The following NTRK2 variants were observed in gnomAD, a reference collection of about 807,000 sequenced individuals.
NTRK2 encodes the protein neurotrophic receptor tyrosine kinase 2.
Under a neutral mutation model 94.5 loss-of-function variants are expected in NTRK2, and 13 were observed. That is an observed-to-expected ratio of 0.14 (90% CI 0.09 to 0.22). The LOEUF (loss-of-function observed/expected upper bound fraction) is 0.22. Ranked by LOEUF, NTRK2 falls within the 10% of genes least tolerant of loss-of-function variation. The probability of loss-of-function intolerance (pLI) is 1.00; values close to 1 mark genes in which losing one functional copy is unlikely to be tolerated. For synonymous variants in NTRK2, 372 were observed against 407.4 expected, an observed-to-expected ratio of 0.91 and a Z score of 1.05; for missense variants, 639 against 1,071.2, an observed-to-expected ratio of 0.60 and a Z score of 5.63.
chr9:84,961,972 G>A (rs1279050398), intron 17 of NTRK2, among the ~76,000 whole-genome samples: 7 of 152,352 alleles, frequency 4.6e-5, no homozygotes, highest in Non-Finnish European at 8.8e-5. Flanking sequence ...ATCACAGTAT[G>A]TGATCCAGGA....
chr9:84,712,814 T>C (rs1564106496), intron 6 of NTRK2, among the ~76,000 whole-genome samples: 1 of 152,238 alleles, frequency 6.6e-6, no homozygotes, highest in Admixed American at 6.5e-5. Context: ...TGTCATATTC[T>C]TTTTAACCAT....
chr9:85,021,536 C>T lies in NTRK2; in HGVS notation c.*99C>T. On this transcript the variant is annotated 3_prime_UTR_variant, in exon 19 of 19. Coordinates refer to ENST00000277120, the MANE Select transcript of NTRK2 (RefSeq NM_006180.6). ...CCGCTGGAGGCCACCAAGCTGCTCT[C>T]CTTCACTCTGACAGTATTAACATCA... 1 of 1,171,674 alleles carries T rather than the reference C, an allele frequency of 8.5e-7. No homozygotes were observed. Among genetic ancestry groups the T allele is most frequent in the Non-Finnish European group, 1.3e-6 (1 of 780,642 alleles). 72.6% of individuals were successfully genotyped at this position (1,171,674 alleles called of 1,614,324 possible). A position where few individuals can be genotyped will look rare whatever the true frequency, so the allele number is the denominator to read the frequency against.
chr9:84,694,641 G>T (rs115562204), intron 2 of NTRK2, among the ~76,000 whole-genome samples: 3 of 151,990 alleles, frequency 2.0e-5, no homozygotes, highest in African/African-American at 7.3e-5. Flanking sequence ...CAGGGACCAA[G>T]GGAATTTTTT....
intron 15 of NTRK2, among the ~76,000 whole-genome samples, chr9:84,936,370 A>G (rs559918542): frequency 1.3e-5 from 2 of 152,246 alleles, no homozygotes; most frequent in Non-Finnish European, 2.9e-5. Context: ...GGGCTTGGAC[A>G]ACTAACAGTG....
intron 9 of NTRK2, among the ~76,000 whole-genome samples, chr9:84,732,721 GA>G (rs138666066): frequency 0.014 from 2,148 of 152,306 alleles, 52 homozygotes; most frequent in African/African-American, 0.05. Flanking sequence ...CTGCCCAGGT[GA>G]AAGGGGGTGG....
At chr9:84,817,245 C>T (rs1334052827) in intron 12 of NTRK2, among the ~76,000 whole-genome samples, 1 of 152,190 alleles carries the variant, frequency 6.6e-6, no homozygotes, top group East Asian at 1.9e-4. Context: ...ACTCGCATAT[C>T]TTGGTCATAT....
At chr9:84,949,130 T>C (rs1028022605) in intron 16 of NTRK2, among the ~76,000 whole-genome samples, 4 of 152,138 alleles carry the variant, frequency 2.6e-5, no homozygotes, top group Admixed American at 2.6e-4. Context: ...GGGCAGGTGC[T>C]TGGACTTTAT....
intron 15 of NTRK2, among the ~76,000 whole-genome samples, chr9:84,939,741 T>C (rs1025408212): frequency 2.0e-5 from 3 of 152,160 alleles, no homozygotes; most frequent in African/African-American, 7.2e-5. Flanking sequence ...AAAGAATTTA[T>C]TGGCTTCTAG....
chr9:84,901,579 CA>C (rs1247160711), intron 14 of NTRK2, among the ~76,000 whole-genome samples: 3 of 152,240 alleles, frequency 2.0e-5, no homozygotes, highest in Admixed American at 2.0e-4. Flanking sequence ...AAAATAAGAG[CA>C]AATGCATTAT....
intron 12 of NTRK2, among the ~76,000 whole-genome samples, chr9:84,839,025 T>C (rs961091630): frequency 3.9e-5 from 6 of 152,184 alleles, no homozygotes; most frequent in African/African-American, 1.2e-4. Context: ...CTTTGAAAAA[T>C]AAATGACCTC....
At chr9:84,860,531 G>C (rs969930298) in intron 12 of NTRK2, among the ~76,000 whole-genome samples, 2 of 151,786 alleles carry the variant, frequency 1.3e-5, no homozygotes, top group Non-Finnish European at 2.9e-5. Context: ...TTTTTTTACC[G>C]TCTGTCTCAG....
At chr9:84,795,402 G>A (rs1564291759) in intron 12 of NTRK2, among the ~76,000 whole-genome samples, 1 of 152,146 alleles carries the variant, frequency 6.6e-6, no homozygotes, top group African/African-American at 2.4e-5. Flanking sequence ...GGGGACAGAG[G>A]AACTATGGAT....
chr9:84,806,644 T>C (rs1473378138), intron 12 of NTRK2, among the ~76,000 whole-genome samples: 2 of 152,264 alleles, frequency 1.3e-5, no homozygotes, highest in Non-Finnish European at 2.9e-5. Context: ...ACCATGTGAG[T>C]TGAGCCAGTT....
intron 14 of NTRK2, among the ~76,000 whole-genome samples, chr9:84,891,087 G>C (rs185372303): frequency 6.6e-6 from 1 of 152,242 alleles, no homozygotes; most frequent in East Asian, 1.9e-4. Context: ...CTGTCAGTTT[G>C]ATAGGAAAGT....
At chr9:84,684,038 T>TA (rs2059557219) in intron 2 of NTRK2, among the ~76,000 whole-genome samples, 1 of 105,410 alleles carries the variant, frequency 9.5e-6, no homozygotes, top group African/African-American at 3.3e-5. Flanking sequence ...CCACTTTTTT[T>TA]ATGGGTTTTT....
chr9:84,877,821 C>A (rs1191869247), intron 14 of NTRK2: 2 of 1,045,884 alleles, frequency 1.9e-6, no homozygotes, highest in Non-Finnish European at 2.3e-6. Flanking sequence ...AAAATGAGAT[C>A]TTTTGTACTG....
chr9:84,687,115 T>C (rs926970215), intron 2 of NTRK2, among the ~76,000 whole-genome samples: 1 of 152,210 alleles, frequency 6.6e-6, no homozygotes, highest in African/African-American at 2.4e-5. Flanking sequence ...GGTTTCGCCC[T>C]GTTGCTCAGG....
chr9:84,730,907 G>A (rs934192170), intron 9 of NTRK2, among the ~76,000 whole-genome samples: 6 of 149,448 alleles, frequency 4.0e-5, no homozygotes, highest in African/African-American at 1.5e-4. Flanking sequence ...GATAATTGAT[G>A]AAGAAGTTTA....
chr9:84,821,778 T>C (rs2072853442), intron 12 of NTRK2, among the ~76,000 whole-genome samples: 1 of 150,986 alleles, frequency 6.6e-6, no homozygotes, highest in Non-Finnish European at 1.5e-5. Context: ...GAAGGTTTCC[T>C]TATAATATTA....
Sources: gnomAD v4.1 joint callset for allele counts (sites outside exome capture counted in the v4.1 genomes callset) on GRCh38, gnomAD v4.1.1 for gene constraint, MANE v1.5 for transcripts, NCBI Gene and HGNC (gene_info 2026-07-23, HGNC 2026-07-21) for gene names.